Variants in MRPS28 observed in about 807,000 individuals in gnomAD.
The protein encoded by MRPS28 is mitochondrial ribosomal protein S28.
Under a neutral mutation model 10.8 loss-of-function variants are expected in MRPS28, and 7 were observed. The ratio of observed to expected loss-of-function variants is 0.65; its 90% CI spans 0.37 to 1.22. MRPS28 has a LOEUF of 1.22. MRPS28 is among the 50% of genes most tolerant of loss of function. The probability of loss-of-function intolerance (pLI) is 0.02; values close to 1 mark genes in which losing one functional copy is unlikely to be tolerated. For missense variants in MRPS28, 265 were observed against 232.9 expected (o/e 1.14, Z -0.90); for synonymous variants, 121 against 93.3 (o/e 1.30, Z -1.71).
intron 2 of MRPS28, among the ~76,000 whole-genome samples, chr8:79,960,461 T>C (rs1807347016): frequency 1.3e-5 from 2 of 152,126 alleles, no homozygotes; most frequent in African/African-American, 4.8e-5. Flanking sequence ...GCTTTCACTT[T>C]TCCCAAAGAT....
At chr8:79,992,941 G>A (rs1467483580) in intron 2 of MRPS28, among the ~76,000 whole-genome samples, 1 of 152,164 alleles carries the variant, frequency 6.6e-6, no homozygotes, top group African/African-American at 2.4e-5. Context: ...CTAGCATAGA[G>A]TATTCAACAA....
At chr8:79,997,065 T>C (rs1435598199) in intron 2 of MRPS28, among the ~76,000 whole-genome samples, 1 of 152,072 alleles carries the variant, frequency 6.6e-6, no homozygotes, top group African/African-American at 2.4e-5. Flanking sequence ...CCAGTGTAGG[T>C]TTTTAAAAAG....
At chr8:79,921,404 G>A (rs1190837009) in intron 2 of MRPS28, among the ~76,000 whole-genome samples, 3 of 152,150 alleles carry the variant, frequency 2.0e-5, no homozygotes, top group Admixed American at 2.0e-4. Context: ...TCACCATATT[G>A]ATTCTTCCTA....
chr8:80,001,269 C>T (rs141572454), intron 2 of MRPS28, among the ~76,000 whole-genome samples: 1 of 152,138 alleles, frequency 6.6e-6, no homozygotes, highest in Non-Finnish European at 1.5e-5. Context: ...AATAAAAGAG[C>T]ACTTTATTTT....
chr8:80,013,594 A>G (rs2130203729), intron 1 of MRPS28, among the ~76,000 whole-genome samples: 1 of 143,216 alleles, frequency 7.0e-6, no homozygotes, highest in East Asian at 2.0e-4. Flanking sequence ...AGACTGCGCC[A>G]TTGCACTCCA....
At chr8:80,028,058 G>C (rs1809535249) in intron 1 of MRPS28, among the ~76,000 whole-genome samples, 1 of 152,160 alleles carries the variant, frequency 6.6e-6, no homozygotes, top group South Asian at 2.1e-4. Context: ...AAAGGAAAGG[G>C]AATTCTGGGG....
chr8:79,989,328 A>T (rs1808289401), intron 2 of MRPS28, among the ~76,000 whole-genome samples: 1 of 152,200 alleles, frequency 6.6e-6, no homozygotes, highest in Non-Finnish European at 1.5e-5. Flanking sequence ...TTTTGACGTT[A>T]AAAGCTGCAA....
chr8:79,977,209 CTAAAA>C (rs1807825477), intron 2 of MRPS28, among the ~76,000 whole-genome samples: 1 of 152,134 alleles, frequency 6.6e-6, no homozygotes, highest in African/African-American at 2.4e-5. Flanking sequence ...GGCAAATGTA[CTAAAA>C]TGAGTGGTGG....
intron 2 of MRPS28, among the ~76,000 whole-genome samples, chr8:79,957,577 G>T (rs972091369): frequency 6.7e-6 from 1 of 150,202 alleles, no homozygotes; most frequent in Non-Finnish European, 1.5e-5. Context: ...ACTTAGTGAG[G>T]CATGGTGGTA....
At chr8:79,971,273 A>T (rs748544681) in intron 2 of MRPS28, among the ~76,000 whole-genome samples, 154 of 152,354 alleles carry the variant, frequency 1.0e-3, no homozygotes, top group Non-Finnish European at 1.9e-3. Flanking sequence ...CAAACAGAAC[A>T]GAAAGAAAGA....
intron 1 of MRPS28, among the ~76,000 whole-genome samples, chr8:80,020,003 A>G (rs2130235669): frequency 6.6e-6 from 1 of 152,312 alleles, no homozygotes; most frequent in East Asian, 1.9e-4. Context: ...GAGACATGAG[A>G]CATCAATCAA....
intron 2 of MRPS28, among the ~76,000 whole-genome samples, chr8:79,984,488 TAA>T (rs1385547870): frequency 3.9e-5 from 6 of 152,060 alleles, no homozygotes; most frequent in Non-Finnish European, 7.4e-5. Flanking sequence ...GCAAATTGGA[TAA>T]AGAGTCAAGA....
chr8:80,028,532 C>T (rs1809548287), intron 1 of MRPS28, among the ~76,000 whole-genome samples: 2 of 151,708 alleles, frequency 1.3e-5, no homozygotes, highest in Admixed American at 6.6e-5. Flanking sequence ...TGTTACCTTC[C>T]GTGGCAAAGG....
At chr8:79,939,803 T>C (rs966649675) in intron 2 of MRPS28, among the ~76,000 whole-genome samples, 1 of 151,908 alleles carries the variant, frequency 6.6e-6, no homozygotes, top group Non-Finnish European at 1.5e-5. Flanking sequence ...ACCCCGTCTC[T>C]ACTAAAAATA....
chr8:79,921,451 C>T (rs1354233827), intron 2 of MRPS28, among the ~76,000 whole-genome samples: 1 of 150,814 alleles, frequency 6.6e-6, no homozygotes, highest in Non-Finnish European at 1.5e-5. Context: ...TTGTTTGTAT[C>T]CTCTTTTATT....
intron 2 of MRPS28, among the ~76,000 whole-genome samples, chr8:79,990,824 C>CAA (rs34065249): frequency 1.1e-3 from 152 of 143,876 alleles, no homozygotes; most frequent in Middle Eastern, 3.6e-3. Context: ...CCCATCTCTA[C>CAA]AAAAAAAAAA....
chr8:79,928,455 A>ATTTT (rs1554568406), intron 2 of MRPS28, among the ~76,000 whole-genome samples: 46 of 151,684 alleles, frequency 3.0e-4, no homozygotes, highest in African/African-American at 9.4e-4. Flanking sequence ...ATATATATAT[A>ATTTT]TTTTTTGAGA....
intron 2 of MRPS28, among the ~76,000 whole-genome samples, chr8:79,997,402 T>TTACC: frequency 6.6e-6 from 1 of 152,260 alleles, no homozygotes; most frequent in East Asian, 1.9e-4. Flanking sequence ...CTGCTCTTCC[T>TTACC]CACATAACAA....
chr8:80,025,514 A>G (rs181286517), intron 1 of MRPS28, among the ~76,000 whole-genome samples: 106 of 152,324 alleles, frequency 7.0e-4, no homozygotes, highest in African/African-American at 2.4e-3. Flanking sequence ...ACAAACAGAA[A>G]CAACCTAAAA....
Sources: allele counts gnomAD v4.1 joint callset (sites outside exome capture counted in the v4.1 genomes callset), GRCh38; gene constraint gnomAD v4.1.1; transcripts MANE v1.5; gene names NCBI Gene and HGNC (gene_info 2026-07-23, HGNC 2026-07-21).